CDH12: variants seen among roughly 807,000 people sequenced by gnomAD.
CDH12 encodes cadherin 12.
In CDH12, 41 loss-of-function variants were observed where a neutral mutation model predicts 74.1. That is an observed-to-expected ratio of 0.55 (90% CI 0.43 to 0.72). The LOEUF (loss-of-function observed/expected upper bound fraction) is 0.72, where lower values mean the gene tolerates loss of function less well. Among genes scored for constraint, CDH12 ranks in the 30% least tolerant of loss-of-function variants. CDH12 has a pLI of 0.00. For synonymous variants in CDH12, 399 were observed against 355.0 expected (o/e 1.12, Z -1.39); for missense variants, 945 against 977.2 (o/e 0.97, Z 0.44).
intron 3 of CDH12, among the ~76,000 whole-genome samples, chr5:22,238,864 C>T (rs1752650263): frequency 6.6e-6 from 1 of 152,066 alleles, no homozygotes; most frequent in Non-Finnish European, 1.5e-5. Flanking sequence ...AATGAGTAGG[C>T]TTAAGTATCA....
rs373472818 is a variant in CDH12 at position 21,752,121 on chromosome 5, C to T, written c.2001G>A (p.Glu667=). The change falls in exon 15 of 15, where the codon GAG becomes GAA. Residue 667 remains glutamate (E), a synonymous_variant. Coordinates refer to ENST00000382254, the MANE Select transcript of CDH12 (RefSeq NM_004061.5). ...CGATGTCGAAAGCCTGGGTATCTTC[C>T]TCCCCACCTCCTTCATCATCGTAAT... ...VIHYDDEGGG[E]EDTQAFDIGA... The T allele has an allele frequency of 6.2e-7, 1 of 1,614,010 alleles. No individual in the cohort carries two copies. The highest frequency in any genetic ancestry group is 1.3e-5 in the African/African-American group (1 of 74,904).
At chr5:22,600,625 C>G (rs556903615) in intron 1 of CDH12, among the ~76,000 whole-genome samples, 60 of 152,000 alleles carry the variant, frequency 3.9e-4, no homozygotes, top group African/African-American at 1.4e-3. Context: ...TTAATTTTCC[C>G]TCCTCTTATA....
At chr5:22,362,138 T>C (rs994957339) in intron 3 of CDH12, among the ~76,000 whole-genome samples, 5 of 152,158 alleles carry the variant, frequency 3.3e-5, no homozygotes, top group East Asian at 1.9e-4. Context: ...TCAGAGTGAA[T>C]AGACAACCTA....
rs577389800 is a variant in CDH12, at chr5:22,852,090, A to AT, written c.-523+967dup. On this transcript the variant is annotated intron_variant, in intron 1 of 14. Coordinates refer to ENST00000382254, the MANE Select transcript of CDH12 (RefSeq NM_004061.5). The stretch of plus-strand genomic sequence containing the variant: ...TCTATTTGAATTTTTCCCCCTCAGT[A>AT]TGTAAGGTAATTTTCTAGCTGAGCA... Among the ~76,000 whole-genome samples the AT allele has an allele frequency of 3.5e-4, 53 of 152,260 alleles. No homozygotes were observed. The East Asian group carries it at 0.01, about 29-fold the overall frequency.
At chr5:22,467,091 C>T (rs1275722779) in intron 2 of CDH12, among the ~76,000 whole-genome samples, 1 of 151,964 alleles carries the variant, frequency 6.6e-6, no homozygotes, top group Non-Finnish European at 1.5e-5. Flanking sequence ...GGCCTGCTCC[C>T]TGGGAATCTT....
At chr5:21,902,695 T>C (rs1753447672) in intron 6 of CDH12, among the ~76,000 whole-genome samples, 1 of 152,214 alleles carries the variant, frequency 6.6e-6, no homozygotes, top group South Asian at 2.1e-4. Flanking sequence ...CACATGTGGC[T>C]ATTTATCACT....
intron 4 of CDH12, among the ~76,000 whole-genome samples, chr5:22,149,909 G>C (rs1313880223): frequency 6.6e-6 from 1 of 152,162 alleles, no homozygotes; most frequent in Non-Finnish European, 1.5e-5. Context: ...GCAGAGAATT[G>C]CTTGAACCTG....
At chr5:22,396,111 T>G (rs915574262) in intron 3 of CDH12, among the ~76,000 whole-genome samples, 1 of 152,240 alleles carries the variant, frequency 6.6e-6, no homozygotes, top group South Asian at 2.1e-4. Context: ...TAAGCTGGGA[T>G]TTTTATTACT....
intron 1 of CDH12, among the ~76,000 whole-genome samples, chr5:22,673,152 T>G (rs1740993829): frequency 6.6e-6 from 1 of 152,200 alleles, no homozygotes; most frequent in African/African-American, 2.4e-5. Flanking sequence ...CAGTGCATTA[T>G]GAAACACATA....
At chr5:21,805,825 A>T (rs1402438236) in intron 9 of CDH12, among the ~76,000 whole-genome samples, 1 of 152,218 alleles carries the variant, frequency 6.6e-6, no homozygotes, top group Non-Finnish European at 1.5e-5. Flanking sequence ...TATGATAGAC[A>T]TACATTATTG....
chr5:22,142,009 C>T (rs1746827681), intron 4 of CDH12, among the ~76,000 whole-genome samples: 1 of 152,090 alleles, frequency 6.6e-6, no homozygotes, highest in Admixed American at 6.6e-5. Context: ...CTATTACTTA[C>T]ACATTACTCC....
chr5:22,728,635 A>T (rs1744279872), intron 1 of CDH12, among the ~76,000 whole-genome samples: 1 of 151,856 alleles, frequency 6.6e-6, no homozygotes, highest in Admixed American at 6.6e-5. Flanking sequence ...GATTACTGTC[A>T]TTGTGGGAAA....
intron 6 of CDH12, among the ~76,000 whole-genome samples, chr5:21,871,869 T>G (rs1298008619): frequency 2.0e-5 from 3 of 152,136 alleles, no homozygotes; most frequent in African/African-American, 7.2e-5. Flanking sequence ...ATTCAAATAC[T>G]GATCTGGAAT....
At chr5:21,846,534 T>C (rs2149991966) in intron 7 of CDH12, among the ~76,000 whole-genome samples, 1 of 152,254 alleles carries the variant, frequency 6.6e-6, no homozygotes, top group Middle Eastern at 3.4e-3. Flanking sequence ...CATAATTTTT[T>C]AGTTCACTGT....
chr5:21,833,520 G>GATATGTAATATATTAT (rs200475189), intron 8 of CDH12, among the ~76,000 whole-genome samples: 13 of 117,210 alleles, frequency 1.1e-4, no homozygotes, highest in African/African-American at 3.5e-4. Flanking sequence ...TGGCATATGT[G>GATATGTAATATATTAT]ATATGTCATA....
intron 3 of CDH12, among the ~76,000 whole-genome samples, chr5:22,303,764 T>C (rs972218155): frequency 6.6e-6 from 1 of 152,136 alleles, no homozygotes; most frequent in Non-Finnish European, 1.5e-5. Flanking sequence ...ATATGTCAAC[T>C]ATGTTCAACT....
intron 1 of CDH12, among the ~76,000 whole-genome samples, chr5:22,825,985 T>C (rs960360383): frequency 2.0e-5 from 3 of 152,180 alleles, no homozygotes; most frequent in Non-Finnish European, 4.4e-5. Flanking sequence ...AGTAAGCATA[T>C]AAGTTCTAGC....
intron 1 of CDH12, among the ~76,000 whole-genome samples, chr5:22,689,265 C>A (rs899693289): frequency 6.6e-6 from 1 of 152,096 alleles, no homozygotes; most frequent in African/African-American, 2.4e-5. Flanking sequence ...TAAAGCATGG[C>A]GTGATGAGAG....
chr5:22,411,930 GT>G (rs563558726), intron 2 of CDH12, among the ~76,000 whole-genome samples: 1 of 151,952 alleles, frequency 6.6e-6, no homozygotes, highest in Non-Finnish European at 1.5e-5. Context: ...CAGTTGTAAT[GT>G]TTTGGTTTTC....
Sources: gnomAD v4.1 joint callset for allele counts (sites outside exome capture counted in the v4.1 genomes callset) on GRCh38, gnomAD v4.1.1 for gene constraint, MANE v1.5 for transcripts, NCBI Gene and HGNC (gene_info 2026-07-23, HGNC 2026-07-21) for gene names.